The following CARD10 variants were observed in gnomAD, a reference collection of about 807,000 sequenced individuals.
The protein encoded by CARD10 is caspase recruitment domain-containing protein 10.
CARD10 carries 49 observed loss-of-function variants against 114.6 expected under a neutral mutation model. The ratio of observed to expected loss-of-function variants is 0.43; its 90% CI spans 0.34 to 0.54. The LOEUF (loss-of-function observed/expected upper bound fraction) is 0.54. Among genes scored for constraint, CARD10 ranks in the 20% least tolerant of loss-of-function variants. CARD10 has a pLI of 0.03. For missense variants in CARD10, 1,206 were observed against 1,397.2 expected (o/e 0.86, Z 2.18); for synonymous variants, 602 against 593.2 (o/e 1.01, Z -0.21).
At chr22:37,507,977 T>C in intron 5 of CARD10, 23 bp from the exon 6 acceptor site, 1 of 1,613,060 alleles carries the variant, frequency 6.2e-7, no homozygotes, top group Non-Finnish European at 8.5e-7. Flanking sequence ...CGGGGCGGGG[T>C]CAGACCACAG....
chr22:37,512,461 C>A, intron 3 of CARD10, among the ~76,000 whole-genome samples: 2 of 132,812 alleles, frequency 1.5e-5, no homozygotes, highest in Non-Finnish European at 3.2e-5. Context: ...TGGCAGCCCC[C>A]CCTCCACACA....
Position 37,516,091 on chromosome 22 carries a change from G to A in CARD10, c.581C>T (p.Ala194Val), listed in dbSNP as rs370280620. 27 of 1,595,348 alleles carry A rather than the reference G, an allele frequency of 1.7e-5. No individual in the cohort carries two copies. Among genetic ancestry groups the A allele is most frequent in the Middle Eastern group, 1.8e-4 (1 of 5,624 alleles). Residue 194 changes from alanine (A) to valine (V), a missense_variant, in exon 3 of 20, where the codon GCG becomes GTG. Around this residue, in one of 2 missense-constraint regions of CARD10, gnomAD observed 1,068 missense variants for 1,179.1 expected, o/e 0.91. Coordinates refer to ENST00000251973, the MANE Select transcript of CARD10 (RefSeq NM_014550.4). ...RCQRLREDWE[A>V]GSLELLRLKD... ...GAGCCGCAGCAGCTCCAGGCTGCCC[G>A]CCTCCCAGTCCTCCCGCAGCCGTTG... is the stretch of plus-strand genomic sequence containing the variant.
Position 37,508,655 on chromosome 22 carries a change from AGCCCGGGGCCCC to A in CARD10, c.925_936del (p.Gly309_Gly312del). ...AGGATGTCCAGCAGGATGCGCTCGG[AGCCCGGGGCCCC>A]CGGCCGGCTCGCCTCCTGGGGATCA... is the stretch of plus-strand genomic sequence containing the variant. On this transcript the variant is annotated inframe_deletion, in exon 5 of 20. Transcript: ENST00000251973. 1 of 1,577,636 alleles carries A rather than the reference AGCCCGGGGCCCC, an allele frequency of 6.3e-7. No homozygotes were observed. The highest frequency in any genetic ancestry group is 8.6e-7 in the Non-Finnish European group (1 of 1,165,574).
chr22:37,500,770 G>A lies in CARD10; in HGVS notation c.1787+1832C>T, dbSNP rs529393058. Among the ~76,000 whole-genome samples, 3 of 152,272 alleles carry A rather than the reference G, an allele frequency of 2.0e-5. No individual in the cohort carries two copies. In the East Asian group the frequency reaches 5.8e-4, roughly 29 times the overall value. On this transcript the variant is annotated intron_variant, in intron 11 of 19. Coordinates refer to ENST00000251973, the MANE Select transcript of CARD10 (RefSeq NM_014550.4). ...TTCAGTGTCCTGGTCTGTGTAACGA[G>A]GTTAAAATTCCAGCCTTGCAGAGCT...
intron 5 of CARD10, among the ~76,000 whole-genome samples, chr22:37,508,201 C>T (rs1221390922): frequency 6.6e-6 from 1 of 152,160 alleles, no homozygotes; most frequent in East Asian, 1.9e-4. Context: ...CCTCCCCACT[C>T]AAACTGCAAC....
chr22:37,515,429 G>T (rs1923804992), intron 3 of CARD10, among the ~76,000 whole-genome samples: 1 of 152,024 alleles, frequency 6.6e-6, no homozygotes, highest in Non-Finnish European at 1.5e-5. Flanking sequence ...TGGGTGTGGT[G>T]GCACGAGCCT....
At chr22:37,513,967 G>A (rs1246015565) in intron 3 of CARD10, among the ~76,000 whole-genome samples, 2 of 152,062 alleles carry the variant, frequency 1.3e-5, no homozygotes, top group African/African-American at 4.8e-5. Flanking sequence ...AGCCAGGCAT[G>A]GTGGCACACA....
rs533400539 is a variant in CARD10, at chr22:37,500,843, G to A, written c.1787+1759C>T. On this transcript the variant is annotated intron_variant, in intron 11 of 19. Transcript: ENST00000251973. ...GGCGACAATAATCATAACTAACCGC[G>A]AGCATATGCTGACATCCACCGTGAG... Among the ~76,000 whole-genome samples the A allele has an allele frequency of 2.0e-5, 3 of 152,196 alleles. No homozygotes were observed. The South Asian group carries it at 6.2e-4, about 32-fold the overall frequency.
In CARD10 at chr22:37,491,239, G is replaced by A. The variant is rs753305136; in HGVS notation, c.3019C>T (p.Arg1007Cys). The A allele has an allele frequency of 4.4e-5, 69 of 1,566,516 alleles. No homozygotes were observed. Among genetic ancestry groups the A allele is most frequent in the South Asian group, 1.3e-4 (11 of 85,552 alleles). The change falls in exon 20 of 20, where the codon CGC (arginine) becomes TGC (cysteine). Residue 1007 changes from arginine (R) to cysteine (C), a missense_variant. Physicochemically the swap from Arg to Cys is radical, Grantham distance 180. Coordinates refer to ENST00000251973, the MANE Select transcript of CARD10 (RefSeq NM_014550.4). ...AGGCGGGCCTGCTCCTGCAGGATGC[G>A]GCCGCGCACCACCTTGGCCAGCTCC... Reference protein sequence around the residue: ...AEELAKVVRGRILQEQARLVW... With the variant: ...AEELAKVVRGCILQEQARLVW...
chr22:37,500,461 G>A (rs1923173249), intron 11 of CARD10, among the ~76,000 whole-genome samples: 1 of 151,908 alleles, frequency 6.6e-6, no homozygotes, highest in Non-Finnish European at 1.5e-5. Flanking sequence ...CTGACTATCT[G>A]TCAGCCCAAC....
Position 37,510,349 on chromosome 22 carries a change from G to A in CARD10, c.772C>T (p.Pro258Ser), listed in dbSNP as rs541633420. 1.3e-5 allele frequency: 21 copies of A among 1,612,352 alleles called. No individual in the cohort carries two copies. In the African/African-American group the frequency reaches 1.5e-4, roughly 11 times the overall value. ...TTCTCCTTCTCCTCTGCCCCAGGGGGCGGGCCCCTGGCCCTTCGAAGCAGT... is the reference window on the plus strand; with the variant it reads ...TTCTCCTTCTCCTCTGCCCCAGGGGACGGGCCCCTGGCCCTTCGAAGCAGT... ...CALLRRARGP[P>S]PGAEEKEKEK... The change falls in exon 4 of 20, where the codon CCC (proline) becomes TCC (serine). Residue 258 changes from proline to serine, a missense_variant. Physicochemically the swap from Pro to Ser is moderately conservative, Grantham distance 74. Transcript: ENST00000251973.
Position 37,492,476 on chromosome 22 carries a change from GC to G in CARD10, c.2709del (p.Leu904Ter). 6.2e-7 allele frequency: 1 copy of G among 1,601,074 alleles called. No individual in the cohort carries two copies. The highest frequency in any genetic ancestry group is 8.5e-7 in the Non-Finnish European group (1 of 1,172,534). On this transcript the variant is annotated frameshift_variant, in exon 18 of 20. Coordinates refer to ENST00000251973, the MANE Select transcript of CARD10 (RefSeq NM_014550.4). LOFTEE classifies it high-confidence loss of function. The surrounding 1 kb of genome is among the most constrained non-coding windows in gnomAD (Gnocchi z 5.7). The stretch of plus-strand genomic sequence containing the variant: ...TGGATGGCCCGGATCCTGCTGCCTA[GC>G]CCAGGGGTGGCAGGCTGAGCCTTGG... ...GAPKAQPATP[G>X]LGSRIRAIQE...
At position 37,491,813 on chromosome 22, in the gene CARD10, C is replaced by G; in HGVS notation, c.2806G>C (p.Glu936Gln). 1 of 1,544,772 alleles carries G rather than the reference C, an allele frequency of 6.5e-7. No individual in the cohort carries two copies. Among genetic ancestry groups the G allele is most frequent in the Non-Finnish European group, 8.8e-7 (1 of 1,137,852 alleles). ...ACGTGGATGACGATGGGGTAGATCT[C>G]GTTCTGCACCAGCTCCCGCACACCC... ...ARGVRELVQN[E>Q]IYPIVIHVEV... Residue 936 changes from glutamate (E) to glutamine (Q), a missense_variant, in exon 19 of 20, where the codon GAG (glutamate) becomes CAG (glutamine). Transcript: ENST00000251973.
chr22:37,507,918 G>T lies in CARD10; in HGVS notation c.1102C>A (p.Arg368Ser). 2 of 1,614,132 alleles carry T rather than the reference G, an allele frequency of 1.2e-6. No homozygotes were observed. Among genetic ancestry groups the T allele is most frequent in the Non-Finnish European group, 1.7e-6 (2 of 1,179,994 alleles). The change falls in exon 6 of 20, where the codon CGC (arginine) becomes AGC (serine). Residue 368 changes from arginine to serine, a missense_variant. By Grantham distance (110) the Arg-to-Ser change is moderately radical (BLOSUM62 -1). Transcript: ENST00000251973. ...AGGTCACAGTCCTTCTGCAGCGTGCGGTGCTTGAGCCGCAGGTCTTCCATC... is the reference window on the plus strand; with the variant it reads ...AGGTCACAGTCCTTCTGCAGCGTGCTGTGCTTGAGCCGCAGGTCTTCCATC... ...QEMEDLRLKH[R>S]TLQKDCDLYK...
rs373196505 is a variant in CARD10 at position 37,496,481 on chromosome 22, C to G, written c.2027G>C (p.Gly676Ala). 1 of 1,613,756 alleles carries G rather than the reference C, an allele frequency of 6.2e-7. No homozygotes were observed. Among genetic ancestry groups the G allele is most frequent in the Non-Finnish European group, 8.5e-7 (1 of 1,179,850 alleles). ...AQQRTLLWNQ[G>A]STLPSLMDSK... ...GTCCATCAGGGAGGGGAGTGTGGAC[C>G]CCTGATTCCAGAGCAAGGTTCTCTG... The change falls in exon 13 of 20, where the codon GGG (glycine) becomes GCG (alanine). Residue 676 changes from glycine (G) to alanine (A), a missense_variant. Physicochemically the swap from Gly to Ala is moderately conservative, Grantham distance 60. This residue lies in a region of CARD10 where 1,068 missense variants were observed against 1,179.1 expected (regional missense o/e 0.91). Coordinates refer to ENST00000251973, the MANE Select transcript of CARD10 (RefSeq NM_014550.4). This position sits in a 1 kb window ranked among gnomAD's most constrained non-coding sequence, Gnocchi z 4.1.
At chr22:37,516,359 C>A in intron 2 of CARD10, 61 bp from the exon 3 acceptor site, 1 of 1,227,762 alleles carries the variant, frequency 8.1e-7, no homozygotes, top group Non-Finnish European at 1.1e-6. Context: ...CAGGAGATAA[C>A]ATACTGTGTC....
intron 2 of CARD10, 67 bp from the exon 3 acceptor site, chr22:37,516,365 G>T (rs967888628): frequency 3.0e-5 from 36 of 1,204,890 alleles, no homozygotes; most frequent in Admixed American, 5.6e-5. Flanking sequence ...ATAACATACT[G>T]TGTCAAAAAA....
In CARD10 at chr22:37,507,859, T is replaced by C. The variant is rs748601548; in HGVS notation, c.1161A>G (p.Gln387=). ...CTCGCTCCTTCTCAATCTCCTCCAGTTGGGCCAGGACAGTGGCCATGCGGT... is the reference window on the plus strand; with the variant it reads ...CTCGCTCCTTCTCAATCTCCTCCAGCTGGGCCAGGACAGTGGCCATGCGGT... ...YKHRMATVLA[Q]LEEIEKERDQ... is the part of the protein sequence containing the mutation. The change falls in exon 6 of 20, where the codon CAA becomes CAG. Residue 387 remains glutamine (Q), a synonymous_variant. Transcript: ENST00000251973. 5 of 1,614,002 alleles carry C rather than the reference T, an allele frequency of 3.1e-6. No homozygotes were observed. The highest frequency in any genetic ancestry group is 1.7e-5 in the Admixed American group (1 of 59,998).
Position 37,491,276 on chromosome 22 carries a change from C to T in CARD10, c.2982G>A (p.Trp994Ter). 1 of 1,570,530 alleles carries T rather than the reference C, an allele frequency of 6.4e-7. No homozygotes were observed. Among genetic ancestry groups the T allele is most frequent in the Non-Finnish European group, 8.6e-7 (1 of 1,164,036 alleles). ...CSWVQVPAHE[W>*]GHAEELAKVV... ...CCTTGGCCAGCTCCTCTGCGTGTCC[C>T]CACTCATGGGCGGGCACCTGCACCC... The change falls in exon 20 of 20, where the codon TGG becomes TGA. Residue 994 changes from tryptophan to a stop codon, truncating the protein, a stop_gained. Transcript: ENST00000251973. LOFTEE classifies it low-confidence loss of function (END_TRUNC).
Sources: allele counts gnomAD v4.1 joint callset (sites outside exome capture counted in the v4.1 genomes callset), GRCh38; gene constraint gnomAD v4.1.1; regional missense constraint gnomAD v4.1.1; non-coding constraint Gnocchi (gnomAD v3.1); transcripts MANE v1.5; gene names NCBI Gene and HGNC (gene_info 2026-07-23, HGNC 2026-07-21).